Variants in GPI observed in about 807,000 individuals in gnomAD.
GPI encodes glucose-6-phosphate isomerase.
A neutral mutation model predicts 75.8 loss-of-function variants in GPI; 56 were observed. That is an observed-to-expected ratio of 0.74 (90% CI 0.60 to 0.92). The LOEUF (loss-of-function observed/expected upper bound fraction) is 0.92. GPI is among the 40% of genes least tolerant of loss of function. The probability of loss-of-function intolerance (pLI) is 0.00; values close to 1 mark genes in which losing one functional copy is unlikely to be tolerated. For missense variants in GPI, 638 were observed against 741.0 expected (o/e 0.86, Z 1.61); for synonymous variants, 288 against 285.4 (o/e 1.01, Z -0.09).
chr19:34,383,864 G>C (rs2074692454), intron 9 of GPI, among the ~76,000 whole-genome samples: 1 of 152,206 alleles, frequency 6.6e-6, no homozygotes, highest in African/African-American at 2.4e-5. Context: ...CTCTCACCAG[G>C]CTCCCTCAGG....
At chr19:34,381,234 CACA>C (rs1346436013) in intron 8 of GPI, 1 of 599,814 alleles carries the variant, frequency 1.7e-6, no homozygotes, top group African/African-American at 1.9e-5. Context: ...GCTTTGCAGG[CACA>C]ACGTCACTGG....
chr19:34,399,977 G>C lies in GPI; in HGVS notation c.1618G>C (p.Ala540Pro), dbSNP rs547475819. Residue 540 changes from alanine to proline, a missense_variant, in exon 18 of 18, where the codon GCT becomes CCT. By Grantham distance (27) the Ala-to-Pro change is conservative (BLOSUM62 -1). Transcript: ENST00000356487. ...DGSAQVTSHD[A>P]STNGLINFIK... ...CAGTGCTCAAGTGACCTCTCACGAC[G>C]CTTCTACCAATGGGCTCATCAACTT... The C allele has an allele frequency of 1.2e-6, 2 of 1,613,666 alleles. No homozygotes were observed. The highest frequency in any genetic ancestry group is 2.7e-5 in the African/African-American group (2 of 74,892).
chr19:34,361,603 C>T (rs2074301826), upstream of GPI, among the ~76,000 whole-genome samples: 1 of 152,096 alleles, frequency 6.6e-6, no homozygotes, highest in African/African-American at 2.4e-5. Context: ...TTGGATTAGA[C>T]TTTTCTTCTT....
At chr19:34,396,168 C>T in intron 12 of GPI, 133 bp from the exon 13 acceptor site, 1 of 896,658 alleles carries the variant, frequency 1.1e-6, no homozygotes. Context: ...AAACTTCCAA[C>T]CTCAGGTGAT....
chr19:34,373,340 G>T (rs2074483602), intron 4 of GPI, among the ~76,000 whole-genome samples: 1 of 151,184 alleles, frequency 6.6e-6, no homozygotes, highest in African/African-American at 2.4e-5. Context: ...TGAGAGCTGA[G>T]ATGGCGCCAC....
At chr19:34,389,948 G>T (rs2074797312) in intron 9 of GPI, among the ~76,000 whole-genome samples, 1 of 152,234 alleles carries the variant, frequency 6.6e-6, no homozygotes, top group Non-Finnish European at 1.5e-5. Flanking sequence ...TGAGGACTCT[G>T]ATGGCACCAA....
chr19:34,360,745 T>TA (rs1201284633), upstream of GPI, among the ~76,000 whole-genome samples: 1 of 152,184 alleles, frequency 6.6e-6, no homozygotes, highest in African/African-American at 2.4e-5. Context: ...GTTGATTCTC[T>TA]AGTTAAGAGC....
intron 9 of GPI, among the ~76,000 whole-genome samples, chr19:34,390,643 AG>A (rs2074808486): frequency 6.6e-6 from 1 of 150,764 alleles, no homozygotes; most frequent in African/African-American, 2.4e-5. Context: ...GTGTCTGAGG[AG>A]GTAACATCTA....
chr19:34,392,608 G>C (rs1401463516), intron 9 of GPI: 1 of 9,640 alleles, frequency 1.0e-4, no homozygotes, highest in Admixed American at 5.4e-4. Context: ...ATCTCATACA[G>C]GTATGAGGAT....
At position 34,393,121 on chromosome 19, in the gene GPI, C is replaced by T; in HGVS notation, c.805-127C>T. 1 of 761,774 alleles carries T rather than the reference C, an allele frequency of 1.3e-6. No individual in the cohort carries two copies. The highest frequency in any genetic ancestry group is 1.4e-5 in the South Asian group (1 of 71,834). 47.2% of individuals were successfully genotyped at this position (761,774 alleles called of 1,614,324 possible). A position where few individuals can be genotyped will look rare whatever the true frequency, so the allele number is the denominator to read the frequency against. ...CCAGCACCTGCCTGCTGCCTTGCTT[C>T]CTGGAGGTGGGTTGGGCCAGGGCCC... is the stretch of plus-strand genomic sequence containing the variant. On this transcript the variant is annotated intron_variant, in intron 9 of 17. Transcript: ENST00000356487. This position sits in a 1 kb window ranked among gnomAD's most constrained non-coding sequence, Gnocchi z 4.4.
chr19:34,379,044 G>A (rs2074599077), intron 7 of GPI, 39 bp downstream of exon 7: 2 of 1,558,526 alleles, frequency 1.3e-6, no homozygotes, highest in Non-Finnish European at 1.8e-6. Flanking sequence ...GTTAGCCTCT[G>A]GGCTGGGAAG....
intron 9 of GPI, 184 bp downstream of exon 9, chr19:34,381,703 C>A: frequency 1.5e-6 from 1 of 667,390 alleles, no homozygotes. Flanking sequence ...ATGAGGGCTC[C>A]ACTTCCACCT....
In GPI at chr19:34,400,671, T is replaced by C; in HGVS notation, c.*635T>C. On this transcript the variant is annotated 3_prime_UTR_variant, in exon 18 of 18. Coordinates refer to ENST00000356487, the MANE Select transcript of GPI (RefSeq NM_000175.5). Reference sequence around the variant, plus strand: ...ATTCCTGGACAAGACCGAGGATGACTGCCATCTCCTGGCAAGACGCTCAGG... The same window carrying C: ...ATTCCTGGACAAGACCGAGGATGACCGCCATCTCCTGGCAAGACGCTCAGG... 2.5e-6 allele frequency: 1 copy of C among 404,096 alleles called. No individual in the cohort carries two copies. The allele number at this position is 404,096 out of a possible 1,614,324, so 25.0% of individuals were successfully genotyped here. A position where few individuals can be genotyped will look rare whatever the true frequency, so the allele number is the denominator to read the frequency against.
chr19:34,381,446 C>CT lies in GPI; in HGVS notation c.751-17dup. The CT allele has an allele frequency of 6.5e-7, 1 of 1,548,988 alleles. No homozygotes were observed. Among genetic ancestry groups the CT allele is most frequent in the Non-Finnish European group, 8.9e-7 (1 of 1,121,164 alleles). ...CAAATGCTTCTTTGCATTTCTCTCC[C>CT]TTTGTTTTTTTTTTTGTAGACCAAA... On this transcript the variant is annotated intron_variant, in intron 8 of 17. Transcript: ENST00000356487.
rs2074507172 is a variant in GPI at position 34,374,721 on chromosome 19, C to CA, written c.403-2782_403-2781insA. ...ATTTCTTTTCTTTTCTTTCTTTTTTCTTTTTTTCTTTGTTTTTTTTTTTTT... is the reference window on the plus strand; with the variant it reads ...ATTTCTTTTCTTTTCTTTCTTTTTTCATTTTTTTCTTTGTTTTTTTTTTTTT... On this transcript the variant is annotated intron_variant, in intron 4 of 17. Transcript: ENST00000356487. 2.0e-5 allele frequency among the ~76,000 whole-genome samples: 3 copies of CA among 150,430 alleles called. No homozygotes were observed. The East Asian group carries it at 5.8e-4, about 29-fold the overall frequency.
At chr19:34,376,416 G>GC (rs1162324251) in intron 4 of GPI, among the ~76,000 whole-genome samples, 1 of 152,208 alleles carries the variant, frequency 6.6e-6, no homozygotes, top group East Asian at 1.9e-4. Context: ...AATTAGCTGG[G>GC]CAGGGTGGCA....
At chr19:34,388,506 A>T (rs1367202902) in intron 9 of GPI, among the ~76,000 whole-genome samples, 1 of 152,076 alleles carries the variant, frequency 6.6e-6, no homozygotes, top group African/African-American at 2.4e-5. Context: ...AAAGTGAGGA[A>T]AAAGGTAGAT....
chr19:34,379,889 G>C (rs1205465953), intron 8 of GPI: 13 of 500,870 alleles, frequency 2.6e-5, no homozygotes, highest in Admixed American at 6.6e-5. Context: ...AATGTGACAT[G>C]CTAGGTAGGG....
intron 12 of GPI, among the ~76,000 whole-genome samples, chr19:34,394,888 A>C (rs1307933841): frequency 6.6e-6 from 1 of 151,544 alleles, no homozygotes; most frequent in African/African-American, 2.4e-5. Context: ...TAATTTTTGT[A>C]TTTTTAGTGG....
Sources: allele counts gnomAD v4.1 joint callset (sites outside exome capture counted in the v4.1 genomes callset), GRCh38; gene constraint gnomAD v4.1.1; non-coding constraint Gnocchi (gnomAD v3.1); transcripts MANE v1.5; gene names NCBI Gene and HGNC (gene_info 2026-07-23, HGNC 2026-07-21).